The following ARNT2 variants were observed in gnomAD, a reference collection of about 807,000 sequenced individuals.
The protein encoded by ARNT2 is aryl hydrocarbon receptor nuclear translocator 2.
In ARNT2, 36 loss-of-function variants were observed where a neutral mutation model predicts 91.7. The observed-to-expected ratio is 0.39, with a 90% CI of 0.30 to 0.52. The LOEUF is 0.52. Among genes scored for constraint, ARNT2 ranks in the 20% least tolerant of loss-of-function variants. The pLI is 0.72. For missense variants in ARNT2, 775 were observed against 939.3 expected (o/e 0.83, Z 2.29); for synonymous variants, 365 against 347.1 (o/e 1.05, Z -0.57).
chr15:80,464,372 G>A (rs893306370), intron 3 of ARNT2, among the ~76,000 whole-genome samples: 3 of 152,156 alleles, frequency 2.0e-5, no homozygotes, highest in African/African-American at 7.2e-5. Context: ...AGAGTGCTTG[G>A]GAAGCTGTAA....
chr15:80,526,923 T>C (rs1897648687), intron 8 of ARNT2, among the ~76,000 whole-genome samples: 1 of 152,172 alleles, frequency 6.6e-6, no homozygotes, highest in Non-Finnish European at 1.5e-5. Flanking sequence ...TTGTCTGTAT[T>C]GAGGCCACCA....
At chr15:80,537,390 C>T (rs1460287291) in intron 8 of ARNT2, among the ~76,000 whole-genome samples, 1 of 152,138 alleles carries the variant, frequency 6.6e-6, no homozygotes, top group Non-Finnish European at 1.5e-5. Flanking sequence ...CAGTACCTCA[C>T]CAGAAGGTAC....
At chr15:80,550,594 T>C (rs1410045809) in intron 8 of ARNT2, among the ~76,000 whole-genome samples, 1 of 152,216 alleles carries the variant, frequency 6.6e-6, no homozygotes, top group Non-Finnish European at 1.5e-5. Flanking sequence ...AAGACTGTTT[T>C]CTAACCCCTG....
In ARNT2 at chr15:80,594,656, G is replaced by C. The variant is rs1017401467; in HGVS notation, c.*958G>C. 6.6e-6 allele frequency: 1 copy of C among 152,364 alleles called. No individual in the cohort carries two copies. The highest frequency in any genetic ancestry group is 2.4e-5 in the African/African-American group (1 of 41,458). 9.4% of individuals were successfully genotyped at this position (152,364 alleles called of 1,614,324 possible). A position where few individuals can be genotyped will look rare whatever the true frequency, so the allele number is the denominator to read the frequency against. ...ATTGGATCTGAATAGCTGTGTTCCT[G>C]ATCCCACATAAGCATGTCTCATCCT... On this transcript the variant is annotated 3_prime_UTR_variant, in exon 19 of 19. Transcript: ENST00000303329.
intron 15 of ARNT2, 125 bp downstream of exon 15, chr15:80,577,090 GA>G (rs1023186380): frequency 2.2e-6 from 2 of 899,736 alleles, no homozygotes; most frequent in African/African-American, 3.3e-5. Context: ...TCAGGCCTTG[GA>G]CTAAACTGAG....
intron 10 of ARNT2, 113 bp from the exon 11 acceptor site, chr15:80,554,952 A>C: frequency 8.9e-7 from 1 of 1,121,088 alleles, no homozygotes; most frequent in South Asian, 1.6e-5. Flanking sequence ...GGGGTGGGAC[A>C]GGCTAAAGGA....
intron 17 of ARNT2, among the ~76,000 whole-genome samples, chr15:80,585,544 C>T (rs1474038545): frequency 1.3e-5 from 2 of 152,290 alleles, no homozygotes; most frequent in East Asian, 1.9e-4. Flanking sequence ...CCCCACAAAA[C>T]CTGAGGTTCA....
Position 80,470,299 on chromosome 15 carries a change from A to C in ARNT2, c.276A>C (p.Thr92=), listed in dbSNP as rs1896714801. 6.2e-7 allele frequency: 1 copy of C among 1,614,224 alleles called. No homozygotes were observed. ...CGGAGCTCTCCGACATGGTCCCCAC[A>C]TGCAGCGCACTGGCTCGGAAGCCAG... is the stretch of plus-strand genomic sequence containing the variant. ...YITELSDMVP[T]CSALARKPDK... Residue 92 remains threonine (T), a synonymous_variant, in exon 4 of 19, where the codon ACA becomes ACC. Coordinates refer to ENST00000303329, the MANE Select transcript of ARNT2 (RefSeq NM_014862.4).
In ARNT2 at chr15:80,555,257, T is replaced by C. The variant is rs548269523; in HGVS notation, c.1164+118T>C. 5.0e-6 allele frequency: 5 copies of C among 1,001,878 alleles called. No homozygotes were observed. The South Asian group carries it at 5.8e-5, about 12-fold the overall frequency. The allele number at this position is 1,001,878 out of a possible 1,614,324, so 62.1% of individuals were successfully genotyped here. A position where few individuals can be genotyped will look rare whatever the true frequency, so the allele number is the denominator to read the frequency against. On this transcript the variant is annotated intron_variant, in intron 11 of 18. Coordinates refer to ENST00000303329, the MANE Select transcript of ARNT2 (RefSeq NM_014862.4). ...AGGCTGCAAGGTCCTACCTATGGCC[T>C]CACTCAGGGCCCCTGCTAGGAAGTC... is the stretch of plus-strand genomic sequence containing the variant.
chr15:80,458,300 A>G (rs1896507452), intron 3 of ARNT2, among the ~76,000 whole-genome samples: 1 of 152,234 alleles, frequency 6.6e-6, no homozygotes, highest in African/African-American at 2.4e-5. Context: ...TGTCTTTTAA[A>G]AAGGAATCTA....
chr15:80,593,299 G>T (rs4778832), intron 18 of ARNT2, among the ~76,000 whole-genome samples: 6,352 of 152,256 alleles, frequency 0.042, 436 homozygotes, highest in African/African-American at 0.15. Context: ...CCAGCCTGGG[G>T]TCTCCCCGCC....
At chr15:80,490,584 A>C (rs2141411021) in intron 5 of ARNT2, among the ~76,000 whole-genome samples, 1 of 152,318 alleles carries the variant, frequency 6.6e-6, no homozygotes, top group East Asian at 1.9e-4. Flanking sequence ...TGACAATGCA[A>C]AGAGCCCCTC....
At chr15:80,469,420 G>A (rs574677660) in intron 3 of ARNT2, among the ~76,000 whole-genome samples, 2 of 151,886 alleles carry the variant, frequency 1.3e-5, no homozygotes, top group African/African-American at 4.8e-5. Context: ...TAAATTTGTA[G>A]CATTATTGGT....
intron 1 of ARNT2, among the ~76,000 whole-genome samples, chr15:80,447,932 G>T (rs1273829575): frequency 1.3e-5 from 2 of 152,150 alleles, no homozygotes; most frequent in African/African-American, 4.8e-5. Context: ...ACTTTTTAAA[G>T]TAGACATAGG....
At chr15:80,436,598 C>T (rs977519424) in intron 1 of ARNT2, among the ~76,000 whole-genome samples, 8 of 152,146 alleles carry the variant, frequency 5.3e-5, no homozygotes, top group East Asian at 1.9e-4. Context: ...GGTATCCTGG[C>T]GGGGGCTGTG....
At chr15:80,535,745 C>G (rs1177603148) in intron 8 of ARNT2, among the ~76,000 whole-genome samples, 1 of 126,122 alleles carries the variant, frequency 7.9e-6, no homozygotes, top group Non-Finnish European at 1.6e-5. Flanking sequence ...TTTTTTTTGT[C>G]TGTTTAAATA....
At position 80,456,669 on chromosome 15, in the gene ARNT2, G is replaced by A. The variant is rs150322352; in HGVS notation, c.147-1260G>A. On this transcript the variant is annotated intron_variant, in intron 2 of 18. Coordinates refer to ENST00000303329, the MANE Select transcript of ARNT2 (RefSeq NM_014862.4). ...TGCCCATGCAAGGATGGCTCGCCCT[G>A]TGTAATCTGCCATTTCCTGGTAACC... Among the ~76,000 whole-genome samples the A allele has an allele frequency of 7.4e-3, 1,121 of 152,240 alleles. 16 individuals are homozygous for A. Among genetic ancestry groups the A allele is most frequent in the African/African-American group, 0.026 (1,074 of 41,534 alleles).
In ARNT2 at chr15:80,404,472, CT is replaced by C; in HGVS notation, c.-43del. ...CTGAGCGCCGGGCTCCGCGCCGCCC[CT>C]CCCGCGCCCCTGCCAAGCGGGCGCC... On this transcript the variant is annotated 5_prime_UTR_variant, in exon 1 of 19. Transcript: ENST00000303329. This position sits in a 1 kb window ranked among gnomAD's most constrained non-coding sequence, Gnocchi z 5.5. 1 of 1,207,536 alleles carries C rather than the reference CT, an allele frequency of 8.3e-7. No homozygotes were observed. The highest frequency in any genetic ancestry group is 1.0e-6 in the Non-Finnish European group (1 of 953,616). 74.8% of individuals were successfully genotyped at this position (1,207,536 alleles called of 1,614,324 possible).
In ARNT2 at chr15:80,483,764, G is replaced by A. The variant is rs75134922; in HGVS notation, c.622+8541G>A. Among the ~76,000 whole-genome samples the A allele has an allele frequency of 1.1e-4, 17 of 152,330 alleles. No individual in the cohort carries two copies. In the East Asian group the frequency reaches 2.9e-3, roughly 26 times the overall value. On this transcript the variant is annotated intron_variant, in intron 5 of 18. Transcript: ENST00000303329. ...TATACATGATGCTGCAAGAGTCAGCGTGCACCTCCTGGAACGTGTGTGCCT... is the reference window on the plus strand; with the variant it reads ...TATACATGATGCTGCAAGAGTCAGCATGCACCTCCTGGAACGTGTGTGCCT...
Sources: gnomAD v4.1 joint callset for allele counts (sites outside exome capture counted in the v4.1 genomes callset) on GRCh38, gnomAD v4.1.1 for gene constraint, Gnocchi (gnomAD v3.1) non-coding constraint, MANE v1.5 for transcripts, NCBI Gene and HGNC (gene_info 2026-07-23, HGNC 2026-07-21) for gene names.